Variants in EXOC4 observed in about 807,000 individuals in gnomAD.
The protein encoded by EXOC4 is exocyst complex component 4, also known as SEC8-like 1.
EXOC4 carries 71 observed loss-of-function variants against 107.2 expected under a neutral mutation model. That is an observed-to-expected ratio of 0.66 (90% CI 0.55 to 0.81). The LOEUF is 0.81. EXOC4 is among the 30% of genes least tolerant of loss of function. The pLI, the probability that EXOC4 is intolerant of heterozygous loss-of-function variation, is 0.00. For synonymous variants in EXOC4, 456 were observed against 441.2 expected (o/e 1.03, Z -0.42); for missense variants, 1,108 against 1,189.6 (o/e 0.93, Z 1.01).
chr7:133,836,860 A>T (rs1585187260), intron 11 of EXOC4, among the ~76,000 whole-genome samples: 1 of 152,090 alleles, frequency 6.6e-6, no homozygotes, highest in East Asian at 1.9e-4. Context: ...TCATTTAGAT[A>T]ATTATATTAT....
At chr7:133,416,353 G>T (rs1797474896) in intron 7 of EXOC4, among the ~76,000 whole-genome samples, 1 of 152,152 alleles carries the variant, frequency 6.6e-6, no homozygotes, top group Non-Finnish European at 1.5e-5. Flanking sequence ...TTCTGATTTA[G>T]ATACCTAGAG....
intron 9 of EXOC4, among the ~76,000 whole-genome samples, chr7:133,584,464 T>C (rs1563116584): frequency 6.6e-6 from 1 of 152,122 alleles, no homozygotes; most frequent in East Asian, 1.9e-4. Context: ...GCGTCATCTC[T>C]CATCAAATTA....
chr7:133,917,491 A>G (rs1335691321), intron 12 of EXOC4, 92 bp from the exon 13 acceptor site: 1 of 1,287,630 alleles, frequency 7.8e-7, no homozygotes, highest in Non-Finnish European at 1.1e-6. Context: ...GATGAGTGTG[A>G]TTTCTTTTTT....
In EXOC4 at chr7:133,930,400, A is replaced by T. The variant is rs1800150477; in HGVS notation, c.2028-7491A>T. The T allele has an allele frequency of 3.3e-5, 5 of 152,216 alleles. No homozygotes were observed. In the South Asian group the frequency reaches 8.3e-4, roughly 25 times the overall value. 9.4% of individuals were successfully genotyped at this position (152,216 alleles called of 1,614,324 possible). A position where few individuals can be genotyped will look rare whatever the true frequency, so the allele number is the denominator to read the frequency against. On this transcript the variant is annotated intron_variant, in intron 13 of 17. Coordinates refer to ENST00000253861, the MANE Select transcript of EXOC4 (RefSeq NM_021807.4). The stretch of plus-strand genomic sequence containing the variant: ...AAAGATGCATTCTTTTTCCAAACTC[A>T]TAGAGCATTTCCATGCAATTGTGTT...
At chr7:133,694,178 T>C (rs1272069940) in intron 10 of EXOC4, among the ~76,000 whole-genome samples, 1 of 151,526 alleles carries the variant, frequency 6.6e-6, no homozygotes, top group African/African-American at 2.4e-5. Context: ...GGAGAATTGC[T>C]TGAACCCGGG....
At chr7:133,989,920 A>G (rs1423513423) in intron 14 of EXOC4, among the ~76,000 whole-genome samples, 2 of 152,230 alleles carry the variant, frequency 1.3e-5, no homozygotes, top group African/African-American at 4.8e-5. Flanking sequence ...AAGGATTGAC[A>G]AGTGGTACCG....
intron 9 of EXOC4, among the ~76,000 whole-genome samples, chr7:133,497,296 G>A (rs1184589387): frequency 6.6e-6 from 1 of 152,128 alleles, no homozygotes; most frequent in Non-Finnish European, 1.5e-5. Context: ...TTAAATTTGT[G>A]AAATTGTCCC....
chr7:133,769,124 C>T (rs1796195997), intron 10 of EXOC4, among the ~76,000 whole-genome samples: 1 of 151,928 alleles, frequency 6.6e-6, no homozygotes, highest in Non-Finnish European at 1.5e-5. Context: ...ATTGCACGTG[C>T]AAATGCAGGT....
chr7:133,602,972 G>A (rs1046086982), intron 9 of EXOC4, among the ~76,000 whole-genome samples: 5 of 150,918 alleles, frequency 3.3e-5, no homozygotes, highest in African/African-American at 1.2e-4. Flanking sequence ...AATTATGTTT[G>A]TCTGAAAACA....
At chr7:133,814,804 T>C (rs1797326564) in intron 10 of EXOC4, among the ~76,000 whole-genome samples, 1 of 152,232 alleles carries the variant, frequency 6.6e-6, no homozygotes, top group Non-Finnish European at 1.5e-5. Flanking sequence ...TTAATGGTCA[T>C]TGTATTGACT....
At chr7:134,080,245 TCTA>T in the EXOC4 span, among the ~76,000 whole-genome samples, 1,055 of 152,188 alleles carry the variant, frequency 6.9e-3, 12 homozygotes, top group African/African-American at 0.023. Context: ...AAAACAAAAT[TCTA>T]CTATTTTCTT....
intron 8 of EXOC4, among the ~76,000 whole-genome samples, chr7:133,477,118 T>G (rs910633080): frequency 6.6e-6 from 1 of 152,188 alleles, no homozygotes; most frequent in Non-Finnish European, 1.5e-5. Flanking sequence ...TAACATCTTG[T>G]ATTAGCGTCT....
intron 13 of EXOC4, among the ~76,000 whole-genome samples, chr7:133,935,675 C>T (rs551851796): frequency 6.6e-6 from 1 of 152,232 alleles, no homozygotes; most frequent in South Asian, 2.1e-4. Context: ...ATAGTTTTTA[C>T]CAAGTAAAAA....
At chr7:133,603,609 C>T (rs976891841) in intron 9 of EXOC4, among the ~76,000 whole-genome samples, 10 of 152,236 alleles carry the variant, frequency 6.6e-5, no homozygotes, top group East Asian at 5.8e-4. Context: ...TGTAACAAAA[C>T]GGGTATTTGT....
At chr7:133,815,823 A>T (rs1055164634) in intron 10 of EXOC4, among the ~76,000 whole-genome samples, 1 of 152,194 alleles carries the variant, frequency 6.6e-6, no homozygotes, top group Non-Finnish European at 1.5e-5. Flanking sequence ...AGCAGTGTCA[A>T]CATTCCCAGG....
At chr7:133,683,991 T>C (rs1196090252) in intron 10 of EXOC4, among the ~76,000 whole-genome samples, 1 of 152,328 alleles carries the variant, frequency 6.6e-6, no homozygotes, top group East Asian at 1.9e-4. Context: ...AGTTTATACA[T>C]GTTTAGCAAT....
chr7:133,331,499 C>CT (rs1184959174), intron 5 of EXOC4, among the ~76,000 whole-genome samples: 40 of 136,664 alleles, frequency 2.9e-4, no homozygotes, highest in African/African-American at 1.0e-3. Flanking sequence ...TGGAGTCTCG[C>CT]TGTCGCCCAG....
intron 15 of EXOC4, among the ~76,000 whole-genome samples, chr7:133,998,462 G>A (rs140274747): frequency 2.3e-3 from 344 of 152,240 alleles, no homozygotes; most frequent in African/African-American, 7.9e-3. Context: ...AAGACCTAGA[G>A]GAAGAGAGTT....
chr7:133,289,418 A>G (rs975686875), intron 3 of EXOC4, among the ~76,000 whole-genome samples: 1 of 152,262 alleles, frequency 6.6e-6, no homozygotes, highest in African/African-American at 2.4e-5. Context: ...AAGATAGTTA[A>G]TGAATCCCAT....
Sources: gnomAD v4.1 joint callset for allele counts (sites outside exome capture counted in the v4.1 genomes callset) on GRCh38, gnomAD v4.1.1 for gene constraint, MANE v1.5 for transcripts, NCBI Gene and HGNC (gene_info 2026-07-23, HGNC 2026-07-21) for gene names.